Variants in CTPS2 observed in about 807,000 individuals in gnomAD.
CTPS2 encodes CTP synthase II.
CTPS2 carries 19 observed loss-of-function variants against 46.8 expected under a neutral mutation model. The observed-to-expected ratio is 0.41, with a 90% confidence interval of 0.28 to 0.60. CTPS2 has a LOEUF of 0.60. Among genes scored for constraint, CTPS2 ranks in the 20% least tolerant of loss-of-function variants. The probability of loss-of-function intolerance (pLI) is 0.35; values close to 1 mark genes in which losing one functional copy is unlikely to be tolerated. For missense variants in CTPS2, 286 were observed against 447.6 expected (o/e 0.64, Z 3.26); for synonymous variants, 151 against 165.2 (o/e 0.91, Z 0.66).
chrX:16,601,161 C>T (rs1489661755), intron 17 of CTPS2, among the ~76,000 whole-genome samples: 2 of 111,467 alleles, frequency 1.8e-5, no homozygotes, highest in African/African-American at 6.5e-5. Flanking sequence ...TGAAACAAAG[C>T]GATTCCAAGT....
At position 16,620,272 on chromosome X, in the gene CTPS2, C is replaced by T. The variant is rs772519800; in HGVS notation, c.1449+5G>A. 1.7e-5 allele frequency: 20 copies of T among 1,192,002 alleles called. No homozygotes were observed. The highest frequency in any genetic ancestry group is 3.6e-5 in the South Asian group (2 of 55,949). Reference sequence around the variant, plus strand: ...TTCCCCAGTAATTCAGCATGAAAGCCGTACCTCGAACCGATGTCTGTGTCT... The same window carrying T: ...TTCCCCAGTAATTCAGCATGAAAGCTGTACCTCGAACCGATGTCTGTGTCT... On this transcript the variant is annotated splice_donor_5th_base_variant and intron_variant, in intron 15 of 18. Transcript: ENST00000359276.
intron 17 of CTPS2, among the ~76,000 whole-genome samples, chrX:16,603,464 A>ATAAATAAAT (rs1929793730): frequency 1.2e-5 from 1 of 86,756 alleles, no homozygotes; most frequent in African/African-American, 4.3e-5. Flanking sequence ...AATAAAACCA[A>ATAAATAAAT]AATGGAGAAA....
intron 13 of CTPS2, among the ~76,000 whole-genome samples, chrX:16,650,731 G>C (rs1028355217): frequency 9.1e-6 from 1 of 109,498 alleles, no homozygotes; most frequent in Non-Finnish European, 1.9e-5. Flanking sequence ...CCATGGTCTC[G>C]AACTCCTGAC....
chrX:16,704,327 A>T (rs1295333332), intron 1 of CTPS2, among the ~76,000 whole-genome samples: 5 of 110,665 alleles, frequency 4.5e-5, no homozygotes, highest in African/African-American at 9.8e-5. Flanking sequence ...ATTTGGTGTT[A>T]AAAAAAAATG....
rs976901824 is a variant in CTPS2, at chrX:16,589,664, G to T, written c.*153C>A. On this transcript the variant is annotated 3_prime_UTR_variant, in exon 19 of 19. Transcript: ENST00000359276. ...TGGTTGACAGAAGTATGTATTATCA[G>T]ATTCCCTGTGAGGCTTTACATCCCA... 2.3e-4 allele frequency: 26 copies of T among 112,308 alleles called. No homozygotes were observed. The highest frequency in any genetic ancestry group is 7.4e-4 in the African/African-American group (23 of 30,908). The allele number at this position is 112,308 out of a possible 1,213,427, so 9.3% of individuals were successfully genotyped here. A position where few individuals can be genotyped will look rare whatever the true frequency, so the allele number is the denominator to read the frequency against.
chrX:16,613,359 G>T (rs769052722), intron 16 of CTPS2, among the ~76,000 whole-genome samples: 2 of 111,726 alleles, frequency 1.8e-5, no homozygotes, highest in Non-Finnish European at 3.8e-5. Flanking sequence ...AGAAGGGATG[G>T]CTTGGAAGCA....
intron 8 of CTPS2, among the ~76,000 whole-genome samples, chrX:16,684,509 C>CAAAAAAAAAAAAAAAAAAAAAA (rs1334791360): frequency 1.4e-5 from 1 of 70,072 alleles, no homozygotes; most frequent in African/African-American, 5.1e-5. Flanking sequence ...ACTCTGTCTC[C>CAAAAAAAAAAAAAAAAAAAAAA]AAAAAAAAAA....
intron 11 of CTPS2, 95 bp downstream of exon 11, chrX:16,670,485 T>C: frequency 1.6e-6 from 1 of 622,198 alleles, no homozygotes; most frequent in Non-Finnish European, 2.5e-6. Flanking sequence ...AAATCCGAGT[T>C]CACACCTTTA....
chrX:16,669,432 G>A (rs1379132553), intron 11 of CTPS2, among the ~76,000 whole-genome samples: 3 of 108,853 alleles, frequency 2.8e-5, no homozygotes, highest in East Asian at 5.8e-4. Flanking sequence ...GGGTGGGGGT[G>A]GCGGTGAGGG....
intron 10 of CTPS2, among the ~76,000 whole-genome samples, chrX:16,672,884 T>C (rs1459132234): frequency 1.1e-5 from 1 of 87,631 alleles, no homozygotes; most frequent in Non-Finnish European, 2.2e-5. Flanking sequence ...GGCTACTCTT[T>C]TTTTTTTTTT....
At chrX:16,599,476 C>CTTTTTTTTTTTTTTTTTTTTTT (rs56794396) in intron 17 of CTPS2, among the ~76,000 whole-genome samples, 1 of 86,209 alleles carries the variant, frequency 1.2e-5, no homozygotes, top group Non-Finnish European at 2.2e-5. Flanking sequence ...TCTTTTTTTT[C>CTTTTTTTTTTTTTTTTTTTTTT]TTTTTTTTTT....
chrX:16,683,627 G>A (rs1602258771), intron 8 of CTPS2, among the ~76,000 whole-genome samples: 2 of 111,347 alleles, frequency 1.8e-5, no homozygotes, highest in South Asian at 7.6e-4. Flanking sequence ...TCCCAACGTT[G>A]TTTTACACAA....
chrX:16,609,583 T>C lies in CTPS2; in HGVS notation c.1649A>G (p.Asn550Ser). The change falls in exon 17 of 19, where the codon AAC becomes AGC. Residue 550 changes from asparagine to serine, a missense_variant. Coordinates refer to ENST00000359276, the MANE Select transcript of CTPS2 (RefSeq NM_175859.3). ...ACCCTGTTGCAAGTAGGCATTCAGG[T>C]TCCCAGTTGCTGCAAGTAACAGCCC... ...YLGLLLAATGNLNAYLQQGCK... is the reference protein window; with the variant it reads ...YLGLLLAATGSLNAYLQQGCK... The C allele has an allele frequency of 8.3e-7, 1 of 1,211,355 alleles. No individual in the cohort carries two copies.
At chrX:16,605,213 G>A (rs957846434) in intron 17 of CTPS2, among the ~76,000 whole-genome samples, 4 of 111,650 alleles carry the variant, frequency 3.6e-5, no homozygotes, top group African/African-American at 3.3e-5. Context: ...ACCAGCCCTC[G>A]AAATATCCCT....
At chrX:16,655,727 A>G (rs181295139) in intron 13 of CTPS2, among the ~76,000 whole-genome samples, 1 of 111,979 alleles carries the variant, frequency 8.9e-6, no homozygotes, top group East Asian at 2.8e-4. Flanking sequence ...TGAAGTATCA[A>G]AGTATCAGTA....
chrX:16,664,783 G>A (rs1921031495), intron 13 of CTPS2, among the ~76,000 whole-genome samples: 1 of 111,676 alleles, frequency 9.0e-6, no homozygotes, highest in South Asian at 3.8e-4. Flanking sequence ...GGTACTTTTA[G>A]TGTCACAGTT....
intron 14 of CTPS2, among the ~76,000 whole-genome samples, chrX:16,624,554 C>T (rs1931024449): frequency 8.9e-6 from 1 of 111,845 alleles, no homozygotes; most frequent in South Asian, 3.7e-4. Flanking sequence ...CTAATCTACA[C>T]CAACATTGAA....
At chrX:16,649,638 T>G (rs148100556) in intron 13 of CTPS2, among the ~76,000 whole-genome samples, 17 of 111,332 alleles carry the variant, frequency 1.5e-4, no homozygotes, top group African/African-American at 5.5e-4. Context: ...ACTACAGGCA[T>G]GTACCATCAC....
intron 13 of CTPS2, among the ~76,000 whole-genome samples, chrX:16,657,970 C>G (rs1932858869): frequency 8.9e-6 from 1 of 111,910 alleles, no homozygotes; most frequent in African/African-American, 3.2e-5. Flanking sequence ...CTTTGGGAGG[C>G]TGAGGCAGGT....
Sources: gnomAD v4.1 joint callset for allele counts (sites outside exome capture counted in the v4.1 genomes callset) on GRCh38, gnomAD v4.1.1 for gene constraint, MANE v1.5 for transcripts, NCBI Gene and HGNC (gene_info 2026-07-23, HGNC 2026-07-21) for gene names.